Variants in VRK2 observed in about 807,000 individuals in gnomAD.
The protein encoded by VRK2 is VRK serine/threonine kinase 2.
Under a neutral mutation model 57.6 loss-of-function variants are expected in VRK2, and 60 were observed. The observed-to-expected ratio is 1.04, with a 90% CI of 0.85 to 1.29. The LOEUF (loss-of-function observed/expected upper bound fraction) is 1.29, where lower values mean the gene tolerates loss of function less well. VRK2 is among the 50% of genes most tolerant of loss of function. The pLI, the probability that VRK2 is intolerant of heterozygous loss-of-function variation, is 0.00. For synonymous variants in VRK2, 231 were observed against 199.2 expected, an observed-to-expected ratio of 1.16 and a Z score of -1.35; for missense variants, 705 against 588.1, an observed-to-expected ratio of 1.20 and a Z score of -2.06.
intron 3 of VRK2, chr2:58,041,111 G>C (rs1012185867): frequency 4.7e-5 from 46 of 975,030 alleles, no homozygotes; most frequent in Non-Finnish European, 5.5e-5. Context: ...TAGTCTTATA[G>C]TTAACCTTTT....
At position 58,075,069 on chromosome 2, in the gene VRK2, G is replaced by A. The variant is rs927949918; in HGVS notation, c.137-9020G>A. On this transcript the variant is annotated intron_variant, in intron 2 of 12. Coordinates refer to ENST00000340157, the MANE Select transcript of VRK2 (RefSeq NM_006296.7). ...TACCCTATACCCTTAAGTAGGCGCCGTTGTCTTTTGTTCCCTTCTTTGTGT... is the reference window on the plus strand; with the variant it reads ...TACCCTATACCCTTAAGTAGGCGCCATTGTCTTTTGTTCCCTTCTTTGTGT... Among the ~76,000 whole-genome samples the A allele has an allele frequency of 8.5e-5, 13 of 152,062 alleles. No homozygotes were observed. In the South Asian group the frequency reaches 1.9e-3, roughly 22 times the overall value.
intron 2 of VRK2, among the ~76,000 whole-genome samples, chr2:58,032,526 G>A (rs944735147): frequency 2.0e-5 from 3 of 152,050 alleles, no homozygotes; most frequent in African/African-American, 7.2e-5. Flanking sequence ...GGTCCCACCT[G>A]CAAATACTGC....
At chr2:57,971,352 A>G (rs1672093136) in intron 1 of VRK2, among the ~76,000 whole-genome samples, 1 of 151,954 alleles carries the variant, frequency 6.6e-6, no homozygotes, top group Non-Finnish European at 1.5e-5. Context: ...ACAATTCAAG[A>G]CTTCCATAAA....
intron 1 of VRK2, among the ~76,000 whole-genome samples, chr2:58,004,167 C>T (rs141732697): frequency 1.5e-4 from 23 of 152,012 alleles, no homozygotes; most frequent in South Asian, 6.2e-4. Context: ...TTTTCTTTCA[C>T]GCATACATAC....
intron 2 of VRK2, among the ~76,000 whole-genome samples, chr2:58,061,713 T>G (rs1367091891): frequency 6.6e-6 from 1 of 151,990 alleles, no homozygotes; most frequent in Non-Finnish European, 1.5e-5. Context: ...TGATAGAATA[T>G]AATATAATGA....
At chr2:57,930,782 C>T (rs1670696369) in intron 1 of VRK2, among the ~76,000 whole-genome samples, 1 of 152,112 alleles carries the variant, frequency 6.6e-6, no homozygotes, top group African/African-American at 2.4e-5. Context: ...ACCACCCCAT[C>T]TATTCTTGTT....
intron 1 of VRK2, among the ~76,000 whole-genome samples, chr2:57,951,818 A>T (rs1671434679): frequency 1.3e-5 from 2 of 151,982 alleles, no homozygotes; most frequent in Admixed American, 1.3e-4. Context: ...ATCATAGCTC[A>T]TGGCAGCCTC....
At chr2:58,084,217 A>T (rs1414191225) in intron 3 of VRK2, 79 bp downstream of exon 3, 22 of 1,448,126 alleles carry the variant, frequency 1.5e-5, no homozygotes, top group Non-Finnish European at 2.1e-5. Context: ...TTTCACGTTA[A>T]TTTTTGTAAC....
chr2:57,986,596 A>AT (rs11452161), intron 1 of VRK2, among the ~76,000 whole-genome samples: 55,081 of 124,258 alleles, frequency 0.44, 13,623 homozygotes, highest in Non-Finnish European at 0.5. Flanking sequence ...AGTTCAATCG[A>AT]TTTTTTTTTT....
At chr2:57,932,618 T>C (rs1228694507) in intron 1 of VRK2, among the ~76,000 whole-genome samples, 1 of 152,086 alleles carries the variant, frequency 6.6e-6, no homozygotes, top group African/African-American at 2.4e-5. Context: ...TTATGTTGTT[T>C]CTCTTTTTTA....
intron 2 of VRK2, among the ~76,000 whole-genome samples, chr2:58,061,095 A>G (rs1677259689): frequency 6.6e-6 from 1 of 151,666 alleles, no homozygotes; most frequent in Admixed American, 6.6e-5. Flanking sequence ...AACTTGGGGG[A>G]TTTTTTTTAA....
At chr2:58,094,390 A>G (rs1672824040) in intron 7 of VRK2, among the ~76,000 whole-genome samples, 1 of 152,244 alleles carries the variant, frequency 6.6e-6, no homozygotes. Flanking sequence ...CATCCCTTGT[A>G]AGTTGGATTC....
intron 1 of VRK2, among the ~76,000 whole-genome samples, chr2:57,989,065 C>A (rs530146272): frequency 2.6e-5 from 4 of 152,192 alleles, no homozygotes; most frequent in South Asian, 2.1e-4. Flanking sequence ...ACATAGCAAC[C>A]CTTACTAGCT....
chr2:58,025,441 A>G (rs1190183106), intron 1 of VRK2, among the ~76,000 whole-genome samples: 1 of 152,190 alleles, frequency 6.6e-6, no homozygotes, highest in Non-Finnish European at 1.5e-5. Flanking sequence ...AGAAATCCCT[A>G]AGTAAACAGC....
chr2:57,999,561 A>C (rs1673027247), intron 1 of VRK2, among the ~76,000 whole-genome samples: 1 of 152,162 alleles, frequency 6.6e-6, no homozygotes, highest in Admixed American at 6.5e-5. Context: ...AGATGGGTGA[A>C]CTTTTGAGCC....
chr2:57,969,217 GA>G (rs1361063594), intron 1 of VRK2, among the ~76,000 whole-genome samples: 1 of 151,950 alleles, frequency 6.6e-6, no homozygotes, highest in Non-Finnish European at 1.5e-5. Context: ...CAAAGATGAA[GA>G]TGACAAAGAT....
At chr2:58,003,382 A>T (rs986710823) in intron 1 of VRK2, among the ~76,000 whole-genome samples, 1 of 152,070 alleles carries the variant, frequency 6.6e-6, no homozygotes, top group Non-Finnish European at 1.5e-5. Context: ...TTTTTAAAAC[A>T]CCTGGCTTTA....
intron 1 of VRK2, among the ~76,000 whole-genome samples, chr2:58,009,424 A>T (rs980986159): frequency 6.6e-6 from 1 of 151,528 alleles, no homozygotes; most frequent in African/African-American, 2.4e-5. Context: ...TGACCATGTG[A>T]TATATAAACA....
At chr2:58,039,579 A>G (rs967309960) in intron 3 of VRK2, among the ~76,000 whole-genome samples, 45 of 152,118 alleles carry the variant, frequency 3.0e-4, no homozygotes, top group Admixed American at 7.2e-4. Flanking sequence ...CCCAATAAGC[A>G]TATTAAAGAC....
Sources: gnomAD v4.1 joint callset for allele counts (sites outside exome capture counted in the v4.1 genomes callset) on GRCh38, gnomAD v4.1.1 for gene constraint, MANE v1.5 for transcripts, NCBI Gene and HGNC (gene_info 2026-07-23, HGNC 2026-07-21) for gene names.